The following TMEM134 variants were observed in gnomAD, a reference collection of about 807,000 sequenced individuals.
TMEM134 encodes the protein transmembrane protein 134.
In TMEM134, 36 loss-of-function variants were observed where a neutral mutation model predicts 26.2. The ratio of observed to expected loss-of-function variants is 1.37; its 90% CI spans 1.05 to 1.81. The LOEUF (loss-of-function observed/expected upper bound fraction) is 1.81. Among genes scored for constraint, TMEM134 ranks in the 40% most tolerant of loss-of-function variants. TMEM134 has a pLI of 0.00. For missense variants in TMEM134, 339 were observed against 263.5 expected (o/e 1.29, Z -1.98); for synonymous variants, 133 against 113.6 (o/e 1.17, Z -1.08).
chr11:67,468,541 C>CA (rs1208895641), intron 1 of TMEM134, among the ~76,000 whole-genome samples: 1 of 152,192 alleles, frequency 6.6e-6, no homozygotes, highest in Non-Finnish European at 1.5e-5. Flanking sequence ...TGGGCAAGGA[C>CA]TGGTCATGTG....
chr11:67,467,168 TA>T, intron 4 of TMEM134, 143 bp downstream of exon 4: 1 of 713,712 alleles, frequency 1.4e-6, no homozygotes, highest in Non-Finnish European at 2.3e-6. Context: ...TCCTCACCTG[TA>T]AAATGGGAGT....
In TMEM134 at chr11:67,464,343, A is replaced by C; in HGVS notation, c.*271T>G. 1.9e-6 allele frequency: 1 copy of C among 533,070 alleles called. No individual in the cohort carries two copies. Among genetic ancestry groups the C allele is most frequent in the Non-Finnish European group, 3.4e-6 (1 of 296,186 alleles). 33.0% of individuals were successfully genotyped at this position (533,070 alleles called of 1,614,324 possible). On this transcript the variant is annotated 3_prime_UTR_variant, in exon 7 of 7. Transcript: ENST00000308022. ...GCTAGCAGTGGCAGGACAGGAGGAG[A>C]GCAATTGCCTCTGGTGGAATTAATT...
chr11:67,467,209 G>A lies in TMEM134; in HGVS notation c.406+103C>T. On this transcript the variant is annotated intron_variant, in intron 4 of 6. Coordinates refer to ENST00000308022, the MANE Select transcript of TMEM134 (RefSeq NM_025124.4). Reference sequence around the variant, plus strand: ...TGATGGCAGCCAGCTGCCTCCTCAGGATGCTGGGAGGCTCAGTGTCAAGGG... The same window carrying A: ...TGATGGCAGCCAGCTGCCTCCTCAGAATGCTGGGAGGCTCAGTGTCAAGGG... The A allele has an allele frequency of 2.7e-6, 3 of 1,112,570 alleles. No homozygotes were observed. The East Asian group carries it at 7.1e-5, about 26-fold the overall frequency. 68.9% of individuals were successfully genotyped at this position (1,112,570 alleles called of 1,614,324 possible). A position where few individuals can be genotyped will look rare whatever the true frequency, so the allele number is the denominator to read the frequency against.
At chr11:67,465,316 CT>C in intron 4 of TMEM134, 1 of 1,340,500 alleles carries the variant, frequency 7.5e-7, no homozygotes, top group Admixed American at 3.1e-5. Flanking sequence ...TTGGGGTGGG[CT>C]TTTAGTCATT....
chr11:67,463,321 C>T lies in TMEM134; in HGVS notation c.*1293G>A, dbSNP rs1231330585. 6.6e-6 allele frequency: 1 copy of T among 152,262 alleles called. No homozygotes were observed. Among genetic ancestry groups the T allele is most frequent in the Non-Finnish European group, 1.5e-5 (1 of 68,086 alleles). The allele number at this position is 152,262 out of a possible 1,614,324, so 9.4% of individuals were successfully genotyped here. ...CCAACAGGGCCTCCCAACCCTTGCT[C>T]ACTCAGCCAGCCTCTTGGTTGGCCG... On this transcript the variant is annotated 3_prime_UTR_variant, in exon 7 of 7. Transcript: ENST00000308022.
At position 67,464,417 on chromosome 11, in the gene TMEM134, G is replaced by A. The variant is rs1322208940; in HGVS notation, c.*197C>T. On this transcript the variant is annotated 3_prime_UTR_variant, in exon 7 of 7. Transcript: ENST00000308022. ...CAGCAACCTAGCAGCCGCACGGCCC[G>A]AGAATAAGTTAAGGCACAGAGCAGG... 1.6e-5 allele frequency: 10 copies of A among 619,580 alleles called. No individual in the cohort carries two copies. The highest frequency in any genetic ancestry group is 3.9e-5 in the South Asian group (2 of 51,784). The allele number at this position is 619,580 out of a possible 1,614,324, so 38.4% of individuals were successfully genotyped here.
rs1865325859 is a variant in TMEM134 at position 67,467,368 on chromosome 11, A to G, written c.350T>C (p.Ile117Thr). 6.2e-7 allele frequency: 1 copy of G among 1,613,726 alleles called. No homozygotes were observed. Among genetic ancestry groups the G allele is most frequent in the African/African-American group, 1.3e-5 (1 of 74,880 alleles). Residue 117 changes from isoleucine (I) to threonine (T), a missense_variant, in exon 4 of 7, where the codon ATC becomes ACC. Physicochemically the swap from Ile to Thr is moderately conservative, Grantham distance 89. Transcript: ENST00000308022. ...TCCSWTQHPL[I>T]QKNRRVVLAS... Reference sequence around the variant, plus strand: ...CAGCACCACTCGGCGGTTCTTCTGGATCAAAGGGTGTTGGGTCCAGCTGGG... The same window carrying G: ...CAGCACCACTCGGCGGTTCTTCTGGGTCAAAGGGTGTTGGGTCCAGCTGGG...
At position 67,467,374 on chromosome 11, in the gene TMEM134, G is replaced by C. The variant is rs1049929744; in HGVS notation, c.344C>G (p.Pro115Arg). ...CACTCGGCGGTTCTTCTGGATCAAA[G>C]GGTGTTGGGTCCAGCTGGGTGGCAG... Reference protein sequence around the residue: ...YNTCCSWTQHPLIQKNRRVVL... With the variant: ...YNTCCSWTQHRLIQKNRRVVL... Residue 115 changes from proline to arginine, a missense_variant, in exon 4 of 7, where the codon CCT becomes CGT. Transcript: ENST00000308022. The C allele has an allele frequency of 9.9e-6, 16 of 1,613,828 alleles. No individual in the cohort carries two copies. Among genetic ancestry groups the C allele is most frequent in the Non-Finnish European group, 1.4e-5 (16 of 1,179,926 alleles).
In TMEM134 at chr11:67,464,425, G is replaced by T. The variant is rs1314954539; in HGVS notation, c.*189C>A. 1.6e-6 allele frequency: 1 copy of T among 630,740 alleles called. No homozygotes were observed. The highest frequency in any genetic ancestry group is 1.8e-5 in the African/African-American group (1 of 54,070). 39.1% of individuals were successfully genotyped at this position (630,740 alleles called of 1,614,324 possible). On this transcript the variant is annotated 3_prime_UTR_variant, in exon 7 of 7. Coordinates refer to ENST00000308022, the MANE Select transcript of TMEM134 (RefSeq NM_025124.4). The stretch of plus-strand genomic sequence containing the variant: ...TAGCAGCCGCACGGCCCGAGAATAA[G>T]TTAAGGCACAGAGCAGGCGACGGGC...
chr11:67,467,113 A>G, intron 4 of TMEM134, 199 bp downstream of exon 4: 1 of 602,188 alleles, frequency 1.7e-6, no homozygotes, highest in Non-Finnish European at 3.0e-6. Flanking sequence ...ATTTTCAGCT[A>G]TGTGTGATTT....
intron 1 of TMEM134, 97 bp from the exon 2 acceptor site, chr11:67,468,189 T>A: frequency 1.8e-6 from 2 of 1,136,622 alleles, no homozygotes; most frequent in Non-Finnish European, 2.6e-6. Flanking sequence ...ACCATTTGCC[T>A]GGCCGCCTGG....
In TMEM134 at chr11:67,464,622, C is replaced by A; in HGVS notation, c.580G>T (p.Glu194Ter). 1.3e-6 allele frequency: 2 copies of A among 1,552,362 alleles called. No homozygotes were observed. The highest frequency in any genetic ancestry group is 2.4e-5 in the South Asian group (2 of 84,124). Residue 194 changes from glutamate to a stop codon, truncating the protein, a stop_gained, in exon 7 of 7, where the codon GAG (glutamate) becomes TAG (stop). Transcript: ENST00000308022. LOFTEE classifies it high-confidence loss of function. ...GFQFFYLPYF[E>*]K ...TCCACGCTGCGCCGCGATCACTTCT[C>A]GAAGTAGGGCAGGTAGAAGAACTGG...
At position 67,462,211 on chromosome 11, in the gene TMEM134, A is replaced by G. The variant is rs1337071613; in HGVS notation, c.*2403T>C. 1 of 150,648 alleles carries G rather than the reference A, an allele frequency of 6.6e-6. No homozygotes were observed. The highest frequency in any genetic ancestry group is 6.6e-5 in the Admixed American group (1 of 15,078). The allele number at this position is 150,648 out of a possible 1,614,324, so 9.3% of individuals were successfully genotyped here. Reference sequence around the variant, plus strand: ...AAAAAACAAGGAGTAAAAAGTTGTTAGCTGCGATTCTGTGTTAATTGCCTG... The same window carrying G: ...AAAAAACAAGGAGTAAAAAGTTGTTGGCTGCGATTCTGTGTTAATTGCCTG... On this transcript the variant is annotated 3_prime_UTR_variant, in exon 7 of 7. Coordinates refer to ENST00000308022, the MANE Select transcript of TMEM134 (RefSeq NM_025124.4).
At chr11:67,467,984 AGCTGGG>A in intron 2 of TMEM134, 38 bp downstream of exon 2, 1 of 1,534,184 alleles carries the variant, frequency 6.5e-7, no homozygotes, top group Non-Finnish European at 8.8e-7. Context: ...TGGGGATAGG[AGCTGGG>A]GCTGGGGTAC....
rs375781888 is a variant in TMEM134 at position 67,464,408 on chromosome 11, G to A, written c.*206C>T. 1.3e-5 allele frequency: 8 copies of A among 611,220 alleles called. No homozygotes were observed. The highest frequency in any genetic ancestry group is 9.8e-5 in the South Asian group (5 of 51,062). 37.9% of individuals were successfully genotyped at this position (611,220 alleles called of 1,614,324 possible). ...ACAAAATAACAGCAACCTAGCAGCC[G>A]CACGGCCCGAGAATAAGTTAAGGCA... On this transcript the variant is annotated 3_prime_UTR_variant, in exon 7 of 7. Coordinates refer to ENST00000308022, the MANE Select transcript of TMEM134 (RefSeq NM_025124.4).
intron 1 of TMEM134, among the ~76,000 whole-genome samples, chr11:67,468,630 A>G (rs1865439165): frequency 6.6e-6 from 1 of 152,188 alleles, no homozygotes; most frequent in Non-Finnish European, 1.5e-5. Context: ...GCGGGTTCCC[A>G]TCAGCTTAGC....
chr11:67,467,460 G>C, intron 3 of TMEM134, 41 bp downstream of exon 3: 1 of 1,612,984 alleles, frequency 6.2e-7, no homozygotes, highest in East Asian at 2.2e-5. Flanking sequence ...TGGGGGTGGA[G>C]CCAGGGCTGC....
intron 4 of TMEM134, 116 bp downstream of exon 4, chr11:67,467,196 G>T: frequency 1.0e-6 from 1 of 954,072 alleles, no homozygotes; most frequent in Non-Finnish European, 1.6e-6. Flanking sequence ...ATGGCAGCCA[G>T]CTGCCTCCTC....
chr11:67,465,055 C>G lies in TMEM134; in HGVS notation c.451+1G>C. On this transcript the variant is annotated splice_donor_variant, in intron 5 of 6. Coordinates refer to ENST00000308022, the MANE Select transcript of TMEM134 (RefSeq NM_025124.4). LOFTEE classifies it high-confidence loss of function. ...CCTGTGGGGGCGGGAGGGTCGCTCACCTGGAGAGGGGGTCGCCTCCAGTCC... is the reference window on the plus strand; with the variant it reads ...CCTGTGGGGGCGGGAGGGTCGCTCAGCTGGAGAGGGGGTCGCCTCCAGTCC... 6.3e-7 allele frequency: 1 copy of G among 1,581,198 alleles called. No homozygotes were observed. Among genetic ancestry groups the G allele is most frequent in the South Asian group, 1.1e-5 (1 of 87,436 alleles).
Sources: gnomAD v4.1 joint callset for allele counts (sites outside exome capture counted in the v4.1 genomes callset) on GRCh38, gnomAD v4.1.1 for gene constraint, MANE v1.5 for transcripts, NCBI Gene and HGNC (gene_info 2026-07-23, HGNC 2026-07-21) for gene names.